The following SIM1 variants were observed in gnomAD, a reference collection of about 807,000 sequenced individuals.
SIM1 encodes the protein single-minded homolog 1.
Under a neutral mutation model 78.2 loss-of-function variants are expected in SIM1, and 18 were observed. The ratio of observed to expected loss-of-function variants is 0.23; its 90% CI spans 0.16 to 0.34. The LOEUF (loss-of-function observed/expected upper bound fraction) is 0.34, where lower values mean the gene tolerates loss of function less well. Among genes scored for constraint, SIM1 ranks in the 10% least tolerant of loss-of-function variants. The pLI is 1.00. For synonymous variants in SIM1, 417 were observed against 385.2 expected (o/e 1.08, Z -0.97); for missense variants, 939 against 975.1 (o/e 0.96, Z 0.49).
Position 100,432,056 on chromosome 6 carries a change from AGATT to A in SIM1, c.999-11102_999-11099del, listed in dbSNP as rs1382038295. Among the ~76,000 whole-genome samples, 17 of 152,288 alleles carry A rather than the reference AGATT, an allele frequency of 1.1e-4. No individual in the cohort carries two copies. In the East Asian group the frequency reaches 3.1e-3, roughly 28 times the overall value. On this transcript the variant is annotated intron_variant, in intron 9 of 11. Coordinates refer to ENST00000369208, the MANE Select transcript of SIM1 (RefSeq NM_005068.3). ...AGCTACATGAGAGGCTGAGGCAGGA[AGATT>A]GATTGAGCCCAGCATTTTGAGGCTG... is the stretch of plus-strand genomic sequence containing the variant.
At chr6:100,425,614 G>A (rs1279030777) in intron 9 of SIM1, among the ~76,000 whole-genome samples, 1 of 152,100 alleles carries the variant, frequency 6.6e-6, no homozygotes, top group Admixed American at 6.5e-5. Context: ...CAAAGCATTT[G>A]TTTTACTTTT....
rs1463237295 is a variant in SIM1, at chr6:100,388,254, T to C, written c.*2107A>G. ...ATCAAATTCTCACATACTCAAGTCC[T>C]GCCTGTTGGCCCTGTGGCGCTCACT... On this transcript the variant is annotated 3_prime_UTR_variant, in exon 12 of 12. Coordinates refer to ENST00000369208, the MANE Select transcript of SIM1 (RefSeq NM_005068.3). The C allele has an allele frequency of 1.3e-5, 2 of 152,216 alleles. No homozygotes were observed. Among genetic ancestry groups the C allele is most frequent in the Non-Finnish European group, 2.9e-5 (2 of 68,026 alleles). The allele number at this position is 152,216 out of a possible 1,614,324, so 9.4% of individuals were successfully genotyped here.
At chr6:100,451,635 A>C (rs1772515128) in intron 3 of SIM1, among the ~76,000 whole-genome samples, 1 of 152,218 alleles carries the variant, frequency 6.6e-6, no homozygotes, top group Non-Finnish European at 1.5e-5. Context: ...GTCAAGCCTG[A>C]AATGGGGTAG....
At chr6:100,391,262 G>A (rs1184259834) in intron 11 of SIM1, among the ~76,000 whole-genome samples, 171 bp from the exon 12 acceptor site, 2 of 152,180 alleles carry the variant, frequency 1.3e-5, no homozygotes, top group African/African-American at 4.8e-5. Flanking sequence ...GACACTCTAT[G>A]TGTCAACTCT....
chr6:100,405,449 C>T (rs1473285383), intron 10 of SIM1, among the ~76,000 whole-genome samples: 1 of 151,986 alleles, frequency 6.6e-6, no homozygotes, highest in Non-Finnish European at 1.5e-5. Flanking sequence ...AAGAATAATA[C>T]AAATTATCAG....
At chr6:100,444,836 A>C (rs190301863) in intron 9 of SIM1, among the ~76,000 whole-genome samples, 35 of 152,260 alleles carry the variant, frequency 2.3e-4, no homozygotes, top group African/African-American at 8.4e-4. Context: ...AAACATCACA[A>C]CCTCATTTGA....
intron 9 of SIM1, among the ~76,000 whole-genome samples, chr6:100,424,712 A>G (rs1374771811): frequency 6.6e-6 from 1 of 152,068 alleles, no homozygotes; most frequent in Non-Finnish European, 1.5e-5. Flanking sequence ...AAGTACTGGG[A>G]TTACAGGGGT....
At chr6:100,453,207 A>C (rs1562257143) in intron 3 of SIM1, among the ~76,000 whole-genome samples, 1 of 152,230 alleles carries the variant, frequency 6.6e-6, no homozygotes, top group African/African-American at 2.4e-5. Context: ...GTATGTGCTT[A>C]AGCAAGGTCC....
At chr6:100,404,516 C>T (rs1221470876) in intron 10 of SIM1, among the ~76,000 whole-genome samples, 1 of 151,984 alleles carries the variant, frequency 6.6e-6, no homozygotes, top group African/African-American at 2.4e-5. Flanking sequence ...GTACTAAGAA[C>T]ATATGCATGC....
rs552298922 is a variant in SIM1, at chr6:100,464,903, C to G, written c.-757G>C. On this transcript the variant is annotated 5_prime_UTR_variant, in exon 1 of 12. Coordinates refer to ENST00000369208, the MANE Select transcript of SIM1 (RefSeq NM_005068.3). The stretch of plus-strand genomic sequence containing the variant: ...TAATTGGAAGCCGAAAACTGCCCCC[C>G]GTAACTTCTTTATAGCTTAAGGGTT... 2 of 152,260 alleles carry G rather than the reference C, an allele frequency of 1.3e-5. No individual in the cohort carries two copies. Among genetic ancestry groups the G allele is most frequent in the Non-Finnish European group, 2.9e-5 (2 of 68,070 alleles). The allele number at this position is 152,260 out of a possible 1,614,324, so 9.4% of individuals were successfully genotyped here.
rs1387222515 is a variant in SIM1, at chr6:100,397,472, C to CA, written c.1168-3584dup. Among the ~76,000 whole-genome samples the CA allele has an allele frequency of 2.6e-5, 4 of 151,826 alleles. No homozygotes were observed. The East Asian group carries it at 5.8e-4, about 22-fold the overall frequency. ...GCTAGAGTAATTGGACACTCATAGG[C>CA]AAAAAATCAAATAAATCTCAACCTG... is the stretch of plus-strand genomic sequence containing the variant. On this transcript the variant is annotated intron_variant, in intron 10 of 11. Transcript: ENST00000369208.
intron 3 of SIM1, among the ~76,000 whole-genome samples, chr6:100,451,996 T>C (rs1772523564): frequency 6.6e-6 from 1 of 152,072 alleles, no homozygotes; most frequent in Admixed American, 6.6e-5. Context: ...TTGGGTGAGA[T>C]TACCTGGGTG....
At chr6:100,464,317 ACCTTGGCAGATCT>A (rs1393214608) in intron 1 of SIM1, among the ~76,000 whole-genome samples, 1 of 152,178 alleles carries the variant, frequency 6.6e-6, no homozygotes, top group Non-Finnish European at 1.5e-5. Flanking sequence ...TCAGCTCCCT[ACCTTGGCAGATCT>A]GGACCTTGGC....
In SIM1 at chr6:100,387,287, A is replaced by G. The variant is rs1471831728; in HGVS notation, c.*3074T>C. On this transcript the variant is annotated 3_prime_UTR_variant, in exon 12 of 12. Transcript: ENST00000369208. ...ACATTTGGCAAAGTTATGGAAATCA[A>G]GAATTAAAACTAAAGCCATATTAAG... The G allele has an allele frequency of 6.6e-6, 1 of 152,114 alleles. No individual in the cohort carries two copies. The highest frequency in any genetic ancestry group is 1.5e-5 in the Non-Finnish European group (1 of 67,940). 9.4% of individuals were successfully genotyped at this position (152,114 alleles called of 1,614,324 possible).
At chr6:100,401,278 T>C (rs1470091515) in intron 10 of SIM1, among the ~76,000 whole-genome samples, 1 of 152,042 alleles carries the variant, frequency 6.6e-6, no homozygotes, top group Non-Finnish European at 1.5e-5. Flanking sequence ...TAAAGAACTA[T>C]TCAGATTAAA....
At chr6:100,420,632 T>C (rs1450252661) in intron 10 of SIM1, among the ~76,000 whole-genome samples, 158 bp downstream of exon 10, 1 of 152,228 alleles carries the variant, frequency 6.6e-6, no homozygotes, top group Admixed American at 6.5e-5. Flanking sequence ...GCAGTTATTT[T>C]AAAAGGAGGC....
intron 6 of SIM1, 72 bp from the exon 7 acceptor site, chr6:100,448,750 G>T: frequency 7.5e-7 from 1 of 1,327,578 alleles, no homozygotes; most frequent in South Asian, 1.3e-5. Context: ...AGAAGGGGTT[G>T]AAACATGTTG....
Position 100,385,667 on chromosome 6 carries a change from TTATGTGTGTG to T in SIM1, c.*4684_*4693del, listed in dbSNP as rs1217018921. ...CTTATGTGAACCATCATTTATTTAT[TTATGTGTGTG>T]TGTGTGTGTGTGTGTGTGTGTGTGT... On this transcript the variant is annotated 3_prime_UTR_variant, in exon 12 of 12. Coordinates refer to ENST00000369208, the MANE Select transcript of SIM1 (RefSeq NM_005068.3). The T allele has an allele frequency of 4.6e-5, 3 of 64,730 alleles. No individual in the cohort carries two copies. The highest frequency in any genetic ancestry group is 1.2e-4 in the African/African-American group (2 of 17,054). The allele number at this position is 64,730 out of a possible 1,614,324, so 4.0% of individuals were successfully genotyped here.
chr6:100,447,504 T>C, intron 8 of SIM1, 89 bp from the exon 9 acceptor site: 5 of 1,444,470 alleles, frequency 3.5e-6, no homozygotes, highest in Non-Finnish European at 4.8e-6. Flanking sequence ...AATTGAGGGC[T>C]CCCTGTGGGC....
Sources: allele counts gnomAD v4.1 joint callset (sites outside exome capture counted in the v4.1 genomes callset), GRCh38; gene constraint gnomAD v4.1.1; transcripts MANE v1.5; gene names NCBI Gene and HGNC (gene_info 2026-07-23, HGNC 2026-07-21).